PNPLA3: variants seen among roughly 807,000 people sequenced by gnomAD.
PNPLA3 encodes the protein 1-acylglycerol-3-phosphate O-acyltransferase PNPLA3.
Under a neutral mutation model 43.1 loss-of-function variants are expected in PNPLA3, and 42 were observed. The ratio of observed to expected loss-of-function variants is 0.97; its 90% CI spans 0.76 to 1.26. The LOEUF (loss-of-function observed/expected upper bound fraction) is 1.26. Ranked by LOEUF, PNPLA3 falls within the 50% of genes most tolerant of loss-of-function variation. The probability of loss-of-function intolerance (pLI) is 0.00; values close to 1 mark genes in which losing one functional copy is unlikely to be tolerated. For missense variants in PNPLA3, 647 were observed against 621.4 expected, an observed-to-expected ratio of 1.04 and a Z score of -0.44; for synonymous variants, 272 against 253.6, an observed-to-expected ratio of 1.07 and a Z score of -0.69.
In PNPLA3 at chr22:43,947,544, G is replaced by T; in HGVS notation, c.*1162G>T. ...CAGTGAGTTTCTCCCCATGTGTGGC[G>T]ATGAGAGAGTGTAGAAATAAAGACA... On this transcript the variant is annotated 3_prime_UTR_variant, in exon 9 of 9. Coordinates refer to ENST00000216180, the MANE Select transcript of PNPLA3 (RefSeq NM_025225.3). The T allele has an allele frequency of 5.8e-6, 1 of 171,980 alleles. No individual in the cohort carries two copies. Among genetic ancestry groups the T allele is most frequent in the Non-Finnish European group, 1.2e-5 (1 of 80,870 alleles). 10.7% of individuals were successfully genotyped at this position (171,980 alleles called of 1,614,324 possible).
rs2050067321 is a variant in PNPLA3, at chr22:43,946,865, G to C, written c.*483G>C. 2.5e-6 allele frequency: 1 copy of C among 396,886 alleles called. No individual in the cohort carries two copies. Among genetic ancestry groups the C allele is most frequent in the Non-Finnish European group, 5.0e-6 (1 of 201,542 alleles). 24.6% of individuals were successfully genotyped at this position (396,886 alleles called of 1,614,324 possible). ...AACGACACTGCCTGTCAGGTGGTCT[G>C]CAAAGATGATAACCTTGACTACTAA... On this transcript the variant is annotated 3_prime_UTR_variant, in exon 9 of 9. Coordinates refer to ENST00000216180, the MANE Select transcript of PNPLA3 (RefSeq NM_025225.3).
At position 43,928,862 on chromosome 22, in the gene PNPLA3, C is replaced by T. The variant is rs2049942748; in HGVS notation, c.459C>T (p.Gly153=). Residue 153 remains glycine, a synonymous_variant, in exon 3 of 9, where the codon GGC becomes GGT. Transcript: ENST00000216180. ...VCSCFIPFYS[G]LIPPSFRGVR... is the part of the protein sequence containing the mutation. ...CCTGCTTCATCCCCTTCTACAGTGG[C>T]CTTATCCCTCCTTCCTTCAGAGGCG... 5 of 1,612,340 alleles carry T rather than the reference C, an allele frequency of 3.1e-6. No homozygotes were observed. The highest frequency in any genetic ancestry group is 2.2e-5 in the South Asian group (2 of 91,040).
intron 6 of PNPLA3, 111 bp from the exon 7 acceptor site, chr22:43,939,882 C>T (rs1178850896): frequency 1.1e-5 from 16 of 1,508,168 alleles, no homozygotes; most frequent in East Asian, 2.3e-5. Flanking sequence ...GCCTCTGACC[C>T]TTTGGCTGCC....
rs766701461 is a variant in PNPLA3 at position 43,940,091 on chromosome 22, C to G, written c.1078C>G (p.Leu360Val). The stretch of plus-strand genomic sequence containing the variant: ...GTCTTATGTAATGCTGCCCTGTACC[C>G]TGCCTGTGGAATCTGCCATTGCGAT... ...IMSYVMLPCT[L>V]PVESAIAIVQ... The change falls in exon 7 of 9, where the codon CTG becomes GTG. Residue 360 changes from leucine to valine, a missense_variant. Physicochemically the swap from Leu to Val is conservative, Grantham distance 32. Coordinates refer to ENST00000216180, the MANE Select transcript of PNPLA3 (RefSeq NM_025225.3). 2.5e-6 allele frequency: 4 copies of G among 1,614,160 alleles called. No homozygotes were observed. Among genetic ancestry groups the G allele is most frequent in the Non-Finnish European group, 3.4e-6 (4 of 1,180,018 alleles).
intron 6 of PNPLA3, among the ~76,000 whole-genome samples, chr22:43,938,536 A>C (rs2050010618): frequency 6.6e-6 from 1 of 152,164 alleles, no homozygotes; most frequent in Admixed American, 6.5e-5. Context: ...CTGGAGCAGG[A>C]GTGAGAGAGA....
intron 4 of PNPLA3, among the ~76,000 whole-genome samples, chr22:43,933,514 G>A (rs183920410): frequency 7.1e-4 from 108 of 152,082 alleles, no homozygotes; most frequent in Middle Eastern, 3.4e-3. Flanking sequence ...AGCCTCCTAA[G>A]GAGCTGGGAC....
intron 1 of PNPLA3, chr22:43,924,318 C>T: frequency 1.8e-6 from 1 of 565,948 alleles, no homozygotes; most frequent in Non-Finnish European, 2.9e-6. Flanking sequence ...CGGTCCGGGC[C>T]GAAGCCTGGG....
intron 6 of PNPLA3, among the ~76,000 whole-genome samples, chr22:43,937,925 G>C (rs2146786569): frequency 6.6e-6 from 1 of 152,300 alleles, no homozygotes; most frequent in South Asian, 2.1e-4. Context: ...GGTCTTAGGA[G>C]GTGGGGCCTT....
intron 5 of PNPLA3, 53 bp from the exon 6 acceptor site, chr22:43,936,998 C>G (rs34879941): frequency 1.4e-5 from 21 of 1,482,010 alleles, no homozygotes; most frequent in Middle Eastern, 1.9e-4. Context: ...GGGTGGGTAA[C>G]GACCACCACT....
chr22:43,933,156 C>G, intron 4 of PNPLA3, 69 bp downstream of exon 4: 1 of 1,377,338 alleles, frequency 7.3e-7, no homozygotes, highest in South Asian at 1.2e-5. Flanking sequence ...TTGCCAGGAG[C>G]TACCAGTTAC....
chr22:43,934,523 C>A, intron 4 of PNPLA3, 83 bp from the exon 5 acceptor site: 2 of 1,363,416 alleles, frequency 1.5e-6, no homozygotes, highest in South Asian at 1.2e-5. Flanking sequence ...TTCTTTGGTG[C>A]TCTCTGCGGT....
Position 43,940,119 on chromosome 22 carries a change from T to C in PNPLA3, c.1106T>C (p.Val369Ala). The C allele has an allele frequency of 6.2e-7, 1 of 1,614,094 alleles. No individual in the cohort carries two copies. The highest frequency in any genetic ancestry group is 1.3e-5 in the African/African-American group (1 of 75,032). Residue 369 changes from valine to alanine, a missense_variant, in exon 7 of 9, where the codon GTC (valine) becomes GCC (alanine). Coordinates refer to ENST00000216180, the MANE Select transcript of PNPLA3 (RefSeq NM_025225.3). ...CCTGTGGAATCTGCCATTGCGATTG[T>C]CCAGAGGTGAGCATTTTAGGTGGCT... ...TLPVESAIAI[V>A]QRLVTWLPDM... is the part of the protein sequence containing the mutation.
chr22:43,932,414 A>G (rs2049967324), intron 3 of PNPLA3, among the ~76,000 whole-genome samples: 1 of 152,110 alleles, frequency 6.6e-6, no homozygotes, highest in South Asian at 2.1e-4. Flanking sequence ...AGATTTCTGT[A>G]TCCTCCTTGC....
At chr22:43,931,795 C>T (rs1361116857) in intron 3 of PNPLA3, among the ~76,000 whole-genome samples, 3 of 152,198 alleles carry the variant, frequency 2.0e-5, no homozygotes, top group East Asian at 1.9e-4. Flanking sequence ...GGATTACAGG[C>T]GTGAGCCACC....
At chr22:43,942,837 G>A (rs1459669387) in intron 7 of PNPLA3, among the ~76,000 whole-genome samples, 2 of 150,856 alleles carry the variant, frequency 1.3e-5, no homozygotes, top group African/African-American at 2.4e-5. Context: ...TAAGTAGCTG[G>A]GACTGCAAGC....
At chr22:43,939,115 AG>A (rs2050014752) in intron 6 of PNPLA3, among the ~76,000 whole-genome samples, 2 of 152,078 alleles carry the variant, frequency 1.3e-5, no homozygotes, top group South Asian at 4.2e-4. Context: ...CAGTAGAGAC[AG>A]GGTTTCACCA....
rs368270709 is a variant in PNPLA3, at chr22:43,927,676, G to A, written c.420+509G>A. Among the ~76,000 whole-genome samples, 453 of 131,480 alleles carry A rather than the reference G, an allele frequency of 3.4e-3. 3 individuals are homozygous for A. Among genetic ancestry groups the A allele is most frequent in the African/African-American group, 0.012 (429 of 36,480 alleles). The allele number at this position is 131,480 out of a possible 152,430, so 86.3% of individuals were successfully genotyped here. A position where few individuals can be genotyped will look rare whatever the true frequency, so the allele number is the denominator to read the frequency against. Reference sequence around the variant, plus strand: ...TCTTTTTTTTGGGTGGGGGGGCGGGGTACAGAGTCTTGCTCTGTCTCCCAG... The same window carrying A: ...TCTTTTTTTTGGGTGGGGGGGCGGGATACAGAGTCTTGCTCTGTCTCCCAG... On this transcript the variant is annotated intron_variant, in intron 2 of 8. Transcript: ENST00000216180.
At chr22:43,945,355 C>T (rs1184664343) in intron 8 of PNPLA3, among the ~76,000 whole-genome samples, 1 of 152,186 alleles carries the variant, frequency 6.6e-6, no homozygotes, top group Non-Finnish European at 1.5e-5. Context: ...CCGCTACTTC[C>T]TGAATTCTGA....
At chr22:43,935,714 A>G (rs548033273) in intron 5 of PNPLA3, among the ~76,000 whole-genome samples, 19 of 152,178 alleles carry the variant, frequency 1.2e-4, no homozygotes, top group Non-Finnish European at 2.1e-4. Context: ...GGGTGGGGAC[A>G]CTAAGAGATG....
Sources: allele counts gnomAD v4.1 joint callset (sites outside exome capture counted in the v4.1 genomes callset), GRCh38; gene constraint gnomAD v4.1.1; transcripts MANE v1.5; gene names NCBI Gene and HGNC (gene_info 2026-07-23, HGNC 2026-07-21).